ATP8B1: variants seen among roughly 807,000 people sequenced by gnomAD.
ATP8B1 encodes phospholipid-transporting ATPase IC.
ATP8B1 carries 80 observed loss-of-function variants against 149.9 expected under a neutral mutation model. That is an observed-to-expected ratio of 0.53 (90% confidence interval 0.45 to 0.64). The LOEUF (loss-of-function observed/expected upper bound fraction) is 0.64, where lower values mean the gene tolerates loss of function less well. Ranked by LOEUF, ATP8B1 falls within the 30% of genes least tolerant of loss-of-function variation. The probability of loss-of-function intolerance (pLI) is 0.00; values close to 1 mark genes in which losing one functional copy is unlikely to be tolerated. For missense variants in ATP8B1, 1,247 were observed against 1,552.6 expected (o/e 0.80, Z 3.31); for synonymous variants, 536 against 562.8 (o/e 0.95, Z 0.67).
At chr18:57,755,427 G>A (rs1283203537) in intron 1 of ATP8B1, 1 of 151,942 alleles carries the variant, frequency 6.6e-6, no homozygotes, top group Non-Finnish European at 1.5e-5. Flanking sequence ...ACTAAAATTG[G>A]AATGATATAG....
intron 26 of ATP8B1, among the ~76,000 whole-genome samples, chr18:57,651,506 A>G (rs1274661932): frequency 3.3e-5 from 5 of 152,232 alleles, no homozygotes; most frequent in African/African-American, 1.2e-4. Context: ...TTGTAAAGCT[A>G]TTTTAATTTG....
At chr18:57,676,746 A>G (rs903291461) in intron 15 of ATP8B1, among the ~76,000 whole-genome samples, 4 of 151,790 alleles carry the variant, frequency 2.6e-5, no homozygotes, top group African/African-American at 4.8e-5. Flanking sequence ...AAAGAAAGAA[A>G]GAAAAGTTGA....
At chr18:57,717,952 G>A (rs2079599700) in intron 2 of ATP8B1, among the ~76,000 whole-genome samples, 1 of 151,742 alleles carries the variant, frequency 6.6e-6, no homozygotes, top group South Asian at 2.1e-4. Flanking sequence ...CACTGTGTTG[G>A]CCAGGCTGGT....
chr18:57,665,230 C>CA (rs1910777043), intron 20 of ATP8B1, among the ~76,000 whole-genome samples: 4 of 121,924 alleles, frequency 3.3e-5, no homozygotes, highest in Non-Finnish European at 3.5e-5. Context: ...ATTGAAAGGC[C>CA]GTAAGAGAAA....
At chr18:57,780,607 T>G (rs1017631425) in intron 1 of ATP8B1, among the ~76,000 whole-genome samples, 9 of 152,202 alleles carry the variant, frequency 5.9e-5, no homozygotes, top group African/African-American at 2.2e-4. Context: ...AGTTTGCCAG[T>G]TCTACTAAAC....
intron 1 of ATP8B1, among the ~76,000 whole-genome samples, chr18:57,749,917 G>A (rs375297866): frequency 5.9e-5 from 9 of 152,190 alleles, no homozygotes; most frequent in African/African-American, 1.9e-4. Context: ...TGGAATTAGT[G>A]TAAGAATAGA....
rs1189206790 is a variant in ATP8B1, at chr18:57,688,434, T to TA, written c.1293_1294insT (p.Thr432TyrfsTer6). The TA allele has an allele frequency of 1.2e-6, 2 of 1,614,220 alleles. No individual in the cohort carries two copies. The highest frequency in any genetic ancestry group is 3.3e-5 in the Admixed American group (2 of 60,024). ...GTGGTGGTTCTAGCTTTTGCGGGTGTGTCCTTCTCAGCATAGTACATTTGC... is the reference window on the plus strand; with the variant it reads ...GTGGTGGTTCTAGCTTTTGCGGGTGTAGTCCTTCTCAGCATAGTACATTTGC... On this transcript the variant is annotated frameshift_variant, in exon 13 of 28. Transcript: ENST00000648908. LOFTEE classifies it high-confidence loss of function.
chr18:57,778,134 C>T (rs2080323292), intron 1 of ATP8B1, among the ~76,000 whole-genome samples: 1 of 152,106 alleles, frequency 6.6e-6, no homozygotes, highest in African/African-American at 2.4e-5. Flanking sequence ...AATCTTTGCC[C>T]TTGTATTAGT....
chr18:57,751,517 C>T (rs1161577193), intron 1 of ATP8B1, among the ~76,000 whole-genome samples: 2 of 151,846 alleles, frequency 1.3e-5, no homozygotes. Flanking sequence ...ATTACACTCA[C>T]CATACTCTGA....
At position 57,745,895 on chromosome 18, in the gene ATP8B1, A is replaced by C. The variant is rs141387256; in HGVS notation, c.-25-14063T>G. Among the ~76,000 whole-genome samples, 227 of 152,098 alleles carry C rather than the reference A, an allele frequency of 1.5e-3. 6 individuals carry two copies. The East Asian group carries it at 0.04, about 27-fold the overall frequency. ...AGGCTGATCCCAAACTCCTGGCCTC[A>C]AGCAATCCTCCCACCTCAACCTCCC... is the stretch of plus-strand genomic sequence containing the variant. On this transcript the variant is annotated intron_variant, in intron 1 of 27. Coordinates refer to ENST00000648908, the MANE Select transcript of ATP8B1 (RefSeq NM_001374385.1).
intron 15 of ATP8B1, among the ~76,000 whole-genome samples, chr18:57,680,684 CT>C (rs1911919473): frequency 1.8e-5 from 1 of 54,630 alleles, no homozygotes; most frequent in Admixed American, 2.8e-4. Context: ...CCTCAATCCT[CT>C]CACCCCCTTT....
At chr18:57,685,162 A>C in intron 13 of ATP8B1, 47 bp from the exon 14 acceptor site, 2 of 1,601,438 alleles carry the variant, frequency 1.2e-6, no homozygotes, top group East Asian at 4.5e-5. Context: ...ACCTATGTCC[A>C]GAGGCCCCTC....
At chr18:57,773,544 T>C (rs2080282429) in intron 1 of ATP8B1, among the ~76,000 whole-genome samples, 1 of 152,216 alleles carries the variant, frequency 6.6e-6, no homozygotes. Context: ...CTATACGCAC[T>C]TATTAGCATT....
chr18:57,781,395 A>T (rs1483281322), intron 1 of ATP8B1, among the ~76,000 whole-genome samples: 1 of 152,224 alleles, frequency 6.6e-6, no homozygotes, highest in Non-Finnish European at 1.5e-5. Flanking sequence ...TAAAATCATA[A>T]AACAGAACCA....
At position 57,661,256 on chromosome 18, in the gene ATP8B1, C is replaced by T. The variant is rs765429033; in HGVS notation, c.2625G>A (p.Met875Ile). 8 of 1,613,932 alleles carry T rather than the reference C, an allele frequency of 5.0e-6. No individual in the cohort carries two copies. The highest frequency in any genetic ancestry group is 1.6e-4 in the Middle Eastern group (1 of 6,084). ...TGTACCTCTTCACCAGGTCCACCAC[C>T]ATGGCCTTCTGCTTGGGGGTGACGC... ...CCRVTPKQKA[M>I]VVDLVKRYKK... The change falls in exon 22 of 28, where the codon ATG becomes ATA. Residue 875 changes from methionine (M) to isoleucine (I), a missense_variant. Physicochemically the swap from Met to Ile is conservative, Grantham distance 10. Transcript: ENST00000648908.
intron 26 of ATP8B1, among the ~76,000 whole-genome samples, chr18:57,651,128 A>T (rs1343157327): frequency 2.0e-5 from 3 of 152,122 alleles, no homozygotes; most frequent in Non-Finnish European, 4.4e-5. Context: ...TTTTTTTGAG[A>T]TAGGGTCTCA....
chr18:57,710,476 G>A (rs1012472907), intron 2 of ATP8B1, among the ~76,000 whole-genome samples: 3 of 152,086 alleles, frequency 2.0e-5, no homozygotes, highest in Non-Finnish European at 2.9e-5. Context: ...TCTCTGTGCT[G>A]GCTCCGAACG....
At chr18:57,774,638 C>T (rs547155434) in intron 1 of ATP8B1, among the ~76,000 whole-genome samples, 4 of 152,196 alleles carry the variant, frequency 2.6e-5, no homozygotes, top group African/African-American at 9.6e-5. Flanking sequence ...CTCTTCTAAC[C>T]GGAATGTACA....
intron 3 of ATP8B1, 106 bp downstream of exon 3, chr18:57,706,384 G>A (rs1193016125): frequency 7.2e-6 from 6 of 832,358 alleles, no homozygotes. Flanking sequence ...GTAGCCCCAG[G>A]CAGGTGGTTA....
Sources: gnomAD v4.1 joint callset for allele counts (sites outside exome capture counted in the v4.1 genomes callset) on GRCh38, gnomAD v4.1.1 for gene constraint, MANE v1.5 for transcripts, NCBI Gene and HGNC (gene_info 2026-07-23, HGNC 2026-07-21) for gene names.